Variants in MRO observed in about 807,000 individuals in gnomAD.
The protein encoded by MRO is protein maestro.
In MRO, 28 loss-of-function variants were observed where a neutral mutation model predicts 31.0. The observed-to-expected ratio is 0.90, with a 90% CI of 0.67 to 1.24. The LOEUF is 1.24. Ranked by LOEUF, MRO falls within the 50% of genes most tolerant of loss-of-function variation. MRO has a pLI of 0.00. For synonymous variants in MRO, 108 were observed against 108.4 expected (o/e 1.00, Z 0.02); for missense variants, 332 against 289.2 (o/e 1.15, Z -1.07).
upstream of MRO, among the ~76,000 whole-genome samples, chr18:50,823,151 C>T (rs920017352): frequency 3.3e-5 from 5 of 152,240 alleles, no homozygotes; most frequent in South Asian, 1.0e-3. Context: ...CAGCTAGCCA[C>T]CCCATGAGCC....
chr18:50,815,284 G>C (rs1914811218), intron 2 of MRO: 3 of 262,428 alleles, frequency 1.1e-5, no homozygotes, highest in African/African-American at 2.3e-5. Context: ...CTGGCAACTT[G>C]GCTGGTCATG....
At position 50,797,269 on chromosome 18, in the gene MRO, A is replaced by G. The variant is rs1912869157; in HGVS notation, c.*2068T>C. 6.6e-6 allele frequency: 1 copy of G among 152,142 alleles called. No individual in the cohort carries two copies. Among genetic ancestry groups the G allele is most frequent in the Non-Finnish European group, 1.5e-5 (1 of 68,048 alleles). The allele number at this position is 152,142 out of a possible 1,614,324, so 9.4% of individuals were successfully genotyped here. A position where few individuals can be genotyped will look rare whatever the true frequency, so the allele number is the denominator to read the frequency against. ...GTTGGGTGTCTCCGTTCTCCTTCACATGGTGATCTCAGGCACTCTCATTTG... is the reference window on the plus strand; with the variant it reads ...GTTGGGTGTCTCCGTTCTCCTTCACGTGGTGATCTCAGGCACTCTCATTTG... On this transcript the variant is annotated 3_prime_UTR_variant, in exon 8 of 8. Coordinates refer to ENST00000398439, the MANE Select transcript of MRO (RefSeq NM_031939.6).
rs1442869178 is a variant in MRO, at chr18:50,796,907, G to C, written c.*2430C>G. On this transcript the variant is annotated 3_prime_UTR_variant, in exon 8 of 8. Transcript: ENST00000398439. The stretch of plus-strand genomic sequence containing the variant: ...AACAAACAAAAAAACATAGTCCCTT[G>C]CTCTTGCCACCAAATTTCATGATAA... 6.6e-6 allele frequency: 1 copy of C among 152,130 alleles called. No individual in the cohort carries two copies. The highest frequency in any genetic ancestry group is 1.5e-5 in the Non-Finnish European group (1 of 68,026). 9.4% of individuals were successfully genotyped at this position (152,130 alleles called of 1,614,324 possible).
intron 2 of MRO, 70 bp downstream of exon 2, chr18:50,819,511 T>G (rs1915198950): frequency 6.5e-7 from 1 of 1,536,296 alleles, no homozygotes; most frequent in African/African-American, 1.4e-5. Flanking sequence ...CCAGAAAGGT[T>G]TTGGGAACCC....
chr18:50,796,464 T>C lies in MRO; in HGVS notation c.*2873A>G, dbSNP rs1272710322. ...CAGATAAGATATAAGTGGTATAATA[T>C]TGCTAGAATGTTCTGGGAATTCAGA... On this transcript the variant is annotated 3_prime_UTR_variant, in exon 8 of 8. Coordinates refer to ENST00000398439, the MANE Select transcript of MRO (RefSeq NM_031939.6). The C allele has an allele frequency of 6.6e-6, 1 of 152,024 alleles. No individual in the cohort carries two copies. Among genetic ancestry groups the C allele is most frequent in the African/African-American group, 2.4e-5 (1 of 41,396 alleles). 9.4% of individuals were successfully genotyped at this position (152,024 alleles called of 1,614,324 possible). A position where few individuals can be genotyped will look rare whatever the true frequency, so the allele number is the denominator to read the frequency against.
chr18:50,817,016 G>C (rs893977179), intron 2 of MRO, among the ~76,000 whole-genome samples: 2 of 152,126 alleles, frequency 1.3e-5, no homozygotes, highest in Non-Finnish European at 2.9e-5. Flanking sequence ...ACTTCCCCAG[G>C]CTTCAGAAAC....
intron 2 of MRO, 62 bp from the exon 3 acceptor site, chr18:50,809,466 T>C: frequency 8.6e-7 from 1 of 1,167,436 alleles, no homozygotes; most frequent in Non-Finnish European, 1.3e-6. Flanking sequence ...CAAACATTGT[T>C]GTACAATGCA....
chr18:50,815,768 T>C (rs933768379), intron 2 of MRO: 5 of 400,342 alleles, frequency 1.2e-5, no homozygotes, highest in Non-Finnish European at 2.5e-5. Flanking sequence ...GCACGGTGGC[T>C]CACACCTGTA....
intron 5 of MRO, among the ~76,000 whole-genome samples, chr18:50,802,904 A>AGTGTGTG (rs1555667860): frequency 5.4e-5 from 8 of 147,752 alleles, no homozygotes; most frequent in African/African-American, 2.1e-4. Flanking sequence ...GTGTTTGTGT[A>AGTGTGTG]TGTGTGTGTG....
chr18:50,800,799 T>C (rs1913226208), intron 6 of MRO, among the ~76,000 whole-genome samples: 1 of 150,700 alleles, frequency 6.6e-6, no homozygotes, highest in South Asian at 2.1e-4. Context: ...GGCAGGAGAA[T>C]TGCTTGAACC....
chr18:50,801,545 T>C (rs757561530), intron 5 of MRO, 41 bp from the exon 6 acceptor site: 3 of 1,550,476 alleles, frequency 1.9e-6, no homozygotes, highest in Non-Finnish European at 1.7e-6. Flanking sequence ...AGCCAGATCA[T>C]TACCAAAAGG....
In MRO at chr18:50,799,203, C is replaced by T. The variant is rs868802034; in HGVS notation, c.*134G>A. ...CATGTATTATTTTTGCCTTTGATTG[C>T]TCTCCCAGCACCCTCTTTCCCATTA... is the stretch of plus-strand genomic sequence containing the variant. On this transcript the variant is annotated 3_prime_UTR_variant, in exon 8 of 8. Transcript: ENST00000398439. 1.4e-4 allele frequency: 104 copies of T among 737,422 alleles called. No homozygotes were observed. In the South Asian group the frequency reaches 1.6e-3, roughly 11 times the overall value. 45.7% of individuals were successfully genotyped at this position (737,422 alleles called of 1,614,324 possible).
chr18:50,809,144 CAAAAAAAAAA>C (rs61728184), intron 3 of MRO, among the ~76,000 whole-genome samples, 148 bp downstream of exon 3: 4 of 99,094 alleles, frequency 4.0e-5, no homozygotes, highest in East Asian at 3.2e-4. Flanking sequence ...GACTCCGTCT[CAAAAAAAAAA>C]AAAAAAAAAA....
At chr18:50,809,813 T>C (rs1340145978) in intron 2 of MRO, among the ~76,000 whole-genome samples, 1 of 152,234 alleles carries the variant, frequency 6.6e-6, no homozygotes, top group South Asian at 2.1e-4. Flanking sequence ...GATTTGGCAC[T>C]ATCTCTTACC....
intron 1 of MRO, among the ~76,000 whole-genome samples, chr18:50,825,088 A>T (rs1915467946): frequency 6.7e-6 from 1 of 148,340 alleles, no homozygotes; most frequent in Admixed American, 6.7e-5. Context: ...AAAAAAAAAA[A>T]TTAAAAAAAA....
At position 50,801,585 on chromosome 18, in the gene MRO, G is replaced by A. The variant is rs77370056; in HGVS notation, c.430-81C>T. Reference sequence around the variant, plus strand: ...TGCATCTGAACACATCACAGCCATCGGTCAGAACACATCACAGCCGTCAAT... The same window carrying A: ...TGCATCTGAACACATCACAGCCATCAGTCAGAACACATCACAGCCGTCAAT... On this transcript the variant is annotated intron_variant, in intron 5 of 7. Coordinates refer to ENST00000398439, the MANE Select transcript of MRO (RefSeq NM_031939.6). 1,938 of 1,321,562 alleles carry A rather than the reference G, an allele frequency of 1.5e-3. 17 individuals are homozygous for A. In the African/African-American group the frequency reaches 0.021, roughly 14 times the overall value. The allele number at this position is 1,321,562 out of a possible 1,614,324, so 81.9% of individuals were successfully genotyped here. A position where few individuals can be genotyped will look rare whatever the true frequency, so the allele number is the denominator to read the frequency against.
intron 6 of MRO, among the ~76,000 whole-genome samples, chr18:50,800,898 AG>A (rs200967133): frequency 8.8e-4 from 131 of 148,464 alleles, no homozygotes; most frequent in Non-Finnish European, 1.3e-3. Flanking sequence ...AAAAAAAAAA[AG>A]AAAGAAAGAA....
At chr18:50,806,064 C>T (rs1279802682) in intron 4 of MRO, among the ~76,000 whole-genome samples, 1 of 151,738 alleles carries the variant, frequency 6.6e-6, no homozygotes, top group Non-Finnish European at 1.5e-5. Context: ...GCTGAGATTG[C>T]AGGCACATGC....
At chr18:50,818,559 A>G (rs1282034807) in intron 2 of MRO, among the ~76,000 whole-genome samples, 2 of 151,970 alleles carry the variant, frequency 1.3e-5, no homozygotes, top group African/African-American at 4.8e-5. Context: ...CTTTACACTG[A>G]CTCCCATCTG....
Sources: gnomAD v4.1 joint callset for allele counts (sites outside exome capture counted in the v4.1 genomes callset) on GRCh38, gnomAD v4.1.1 for gene constraint, MANE v1.5 for transcripts, NCBI Gene and HGNC (gene_info 2026-07-23, HGNC 2026-07-21) for gene names.